Variants in ST7 observed in about 807,000 individuals in gnomAD.
The protein encoded by ST7 is suppression of tumorigenicity 7.
A neutral mutation model predicts 78.7 loss-of-function variants in ST7; 28 were observed. The ratio of observed to expected loss-of-function variants is 0.36; its 90% confidence interval spans 0.26 to 0.49. The LOEUF (loss-of-function observed/expected upper bound fraction) is 0.49, where lower values mean the gene tolerates loss of function less well. Ranked by LOEUF, ST7 falls within the 20% of genes least tolerant of loss-of-function variation. The probability of loss-of-function intolerance (pLI) is 0.99; values close to 1 mark genes in which losing one functional copy is unlikely to be tolerated. For missense variants in ST7, 418 were observed against 696.0 expected, an observed-to-expected ratio of 0.60 and a Z score of 4.49; for synonymous variants, 247 against 249.6, an observed-to-expected ratio of 0.99 and a Z score of 0.10.
intron 1 of ST7, among the ~76,000 whole-genome samples, chr7:117,017,003 A>T (rs929736028): frequency 7.2e-5 from 11 of 152,192 alleles, no homozygotes; most frequent in African/African-American, 2.4e-4. Context: ...CAGATTTATT[A>T]TTAAAATAAT....
intron 1 of ST7, among the ~76,000 whole-genome samples, chr7:117,077,639 G>C (rs1488490549): frequency 6.6e-6 from 1 of 152,114 alleles, no homozygotes; most frequent in African/African-American, 2.4e-5. Context: ...AGCCATAATA[G>C]CTCCAGATGA....
At chr7:117,064,530 T>C (rs1162664449) in intron 1 of ST7, among the ~76,000 whole-genome samples, 1 of 152,230 alleles carries the variant, frequency 6.6e-6, no homozygotes, top group African/African-American at 2.4e-5. Context: ...GACCAACGTG[T>C]TGGGGTTTGC....
intron 9 of ST7, among the ~76,000 whole-genome samples, chr7:117,160,497 T>G (rs917813170): frequency 6.6e-6 from 1 of 151,870 alleles, no homozygotes; most frequent in Admixed American, 6.6e-5. Flanking sequence ...GTGGTGCTGC[T>G]CTTGACTTCT....
chr7:117,025,092 TAAAC>T (rs1391353037), intron 1 of ST7, among the ~76,000 whole-genome samples: 1 of 152,220 alleles, frequency 6.6e-6, no homozygotes, highest in Non-Finnish European at 1.5e-5. Flanking sequence ...ATACTGTAGT[TAAAC>T]AGACATCTCT....
At position 117,119,856 on chromosome 7, in the gene ST7, G is replaced by T. The variant is rs565754158; in HGVS notation, c.394+136G>T. The T allele has an allele frequency of 5.9e-5, 60 of 1,022,332 alleles. No individual in the cohort carries two copies. In the East Asian group the frequency reaches 1.5e-3, roughly 25 times the overall value. 63.3% of individuals were successfully genotyped at this position (1,022,332 alleles called of 1,614,324 possible). On this transcript the variant is annotated intron_variant, in intron 3 of 15. Transcript: ENST00000323984. ...GAAAAATGCAGATCATTTTCCCATG[G>T]AGTTGACAACCTGTATCAGAGAGGG...
Position 117,189,378 on chromosome 7 carries a change from G to A in ST7, c.1136G>A (p.Arg379Lys). ...ICYTAALLKARAVSDKFSPEA... is the reference protein window; with the variant it reads ...ICYTAALLKAKAVSDKFSPEA... ...TACACAGCTGCTTTGCTCAAAGCAAGAGCTGTCTCTGACAAGTAAGTGAAT... is the reference window on the plus strand; with the variant it reads ...TACACAGCTGCTTTGCTCAAAGCAAAAGCTGTCTCTGACAAGTAAGTGAAT... Residue 379 changes from arginine (R) to lysine (K), a missense_variant, in exon 11 of 16, where the codon AGA (arginine) becomes AAA (lysine). Transcript: ENST00000323984. 1.2e-6 allele frequency: 2 copies of A among 1,605,392 alleles called. No homozygotes were observed. Among genetic ancestry groups the A allele is most frequent in the Non-Finnish European group, 8.5e-7 (1 of 1,175,276 alleles).
chr7:117,198,707 C>T (rs1810537644), intron 12 of ST7, among the ~76,000 whole-genome samples: 1 of 152,150 alleles, frequency 6.6e-6, no homozygotes, highest in South Asian at 2.1e-4. Context: ...ACGCAGGCCC[C>T]TTCCTCTCCC....
chr7:117,035,271 G>GA (rs1337325299), intron 1 of ST7, among the ~76,000 whole-genome samples: 1 of 152,074 alleles, frequency 6.6e-6, no homozygotes, highest in Admixed American at 6.6e-5. Context: ...TCTTGTTGAG[G>GA]AAGTGGAGTC....
intron 12 of ST7, among the ~76,000 whole-genome samples, chr7:117,205,163 A>T (rs1791632065): frequency 6.6e-6 from 1 of 152,212 alleles, no homozygotes; most frequent in Non-Finnish European, 1.5e-5. Flanking sequence ...CACCATGAAC[A>T]TTCAACCTGT....
intron 2 of ST7, among the ~76,000 whole-genome samples, chr7:117,104,296 C>T (rs1278137265): frequency 6.6e-6 from 1 of 152,078 alleles, no homozygotes; most frequent in Non-Finnish European, 1.5e-5. Flanking sequence ...CAAAATTAGC[C>T]GGGTGTGGTG....
Position 117,134,318 on chromosome 7 carries a change from A to T in ST7, c.710+126A>T, listed in dbSNP as rs1393213235. ...GTATGTGTATTGTGTTGTGACAAGG[A>T]TGCATCATCTATATCTTCCATCGAG... On this transcript the variant is annotated intron_variant, in intron 7 of 15. Transcript: ENST00000323984. 3 of 1,397,230 alleles carry T rather than the reference A, an allele frequency of 2.1e-6. No homozygotes were observed. In the East Asian group the frequency reaches 7.0e-5, roughly 33 times the overall value. The allele number at this position is 1,397,230 out of a possible 1,614,324, so 86.6% of individuals were successfully genotyped here. A position where few individuals can be genotyped will look rare whatever the true frequency, so the allele number is the denominator to read the frequency against.
chr7:117,105,645 G>T (rs1801897105), intron 2 of ST7, among the ~76,000 whole-genome samples: 1 of 152,232 alleles, frequency 6.6e-6, no homozygotes, highest in Non-Finnish European at 1.5e-5. Flanking sequence ...ATGTTTGACA[G>T]ATAGTTAGGG....
chr7:117,055,288 C>T (rs1403068586), intron 1 of ST7, among the ~76,000 whole-genome samples: 4 of 152,022 alleles, frequency 2.6e-5, no homozygotes, highest in Admixed American at 6.6e-5. Context: ...CTGCAACCTC[C>T]GTCTCCTGAG....
At chr7:117,119,748 T>G in intron 3 of ST7, 28 bp downstream of exon 3, 1 of 1,603,230 alleles carries the variant, frequency 6.2e-7, no homozygotes, top group Non-Finnish European at 8.5e-7. Context: ...GTTTGCAATA[T>G]TATTTGCTTA....
intron 1 of ST7, among the ~76,000 whole-genome samples, chr7:116,984,599 A>G (rs891126333): frequency 6.6e-6 from 1 of 152,122 alleles, no homozygotes; most frequent in South Asian, 2.1e-4. Context: ...TAATGTCTGT[A>G]TGACTTAGGA....
At chr7:117,129,199 A>G (rs960714238) in intron 3 of ST7, among the ~76,000 whole-genome samples, 1 of 151,840 alleles carries the variant, frequency 6.6e-6, no homozygotes, top group Non-Finnish European at 1.5e-5. Context: ...TGTGCAAGTA[A>G]ATGATATTAA....
At chr7:117,091,749 A>T (rs1433091083) in intron 1 of ST7, among the ~76,000 whole-genome samples, 1 of 152,164 alleles carries the variant, frequency 6.6e-6, no homozygotes, top group Non-Finnish European at 1.5e-5. Flanking sequence ...ATTTCCGTAA[A>T]TATAGCAGTT....
intron 1 of ST7, among the ~76,000 whole-genome samples, chr7:116,975,179 A>G (rs9771438): frequency 0.032 from 4,803 of 152,228 alleles, 240 homozygotes; most frequent in African/African-American, 0.11. Context: ...CATGTCTTAC[A>G]TGGTAGCAGG....
At chr7:117,118,474 G>GA (rs1803083555) in intron 2 of ST7, 1 of 152,172 alleles carries the variant, frequency 6.6e-6, no homozygotes, top group Non-Finnish European at 1.5e-5. Context: ...ACAAAACAGG[G>GA]AAAACATCAG....
Sources: gnomAD v4.1 joint callset for allele counts (sites outside exome capture counted in the v4.1 genomes callset) on GRCh38, gnomAD v4.1.1 for gene constraint, MANE v1.5 for transcripts, NCBI Gene and HGNC (gene_info 2026-07-23, HGNC 2026-07-21) for gene names.